Variants in ZYG11B observed in about 807,000 individuals in gnomAD.
The protein encoded by ZYG11B is protein zyg-11 homolog B.
In ZYG11B, 36 loss-of-function variants were observed where a neutral mutation model predicts 82.4. The observed-to-expected ratio is 0.44, with a 90% CI of 0.33 to 0.58. The LOEUF (loss-of-function observed/expected upper bound fraction) is 0.58, where lower values mean the gene tolerates loss of function less well. Ranked by LOEUF, ZYG11B falls within the 20% of genes least tolerant of loss-of-function variation. ZYG11B has a pLI of 0.02. For missense variants in ZYG11B, 552 were observed against 895.6 expected (o/e 0.62, Z 4.90); for synonymous variants, 303 against 312.8 (o/e 0.97, Z 0.33).
intron 1 of ZYG11B, among the ~76,000 whole-genome samples, chr1:52,755,785 G>A (rs556223897): frequency 5.3e-5 from 8 of 151,838 alleles, no homozygotes; most frequent in Admixed American, 1.3e-4. Flanking sequence ...GATTACAGGC[G>A]TGAGCCACCA....
intron 10 of ZYG11B, among the ~76,000 whole-genome samples, chr1:52,802,691 GAA>G (rs1470272468): frequency 6.0e-5 from 9 of 150,180 alleles, no homozygotes; most frequent in Non-Finnish European, 1.2e-4. Context: ...AACAAAAAAA[GAA>G]AGAGAGAGAG....
intron 4 of ZYG11B, among the ~76,000 whole-genome samples, chr1:52,782,978 G>A (rs1371217986): frequency 1.3e-5 from 2 of 149,684 alleles, no homozygotes; most frequent in Admixed American, 1.3e-4. Context: ...CCAGGATGGT[G>A]TGCAGTGGTG....
rs1216250072 is a variant in ZYG11B at position 52,813,877 on chromosome 1, A to G, written c.1911A>G (p.Lys637=). The G allele has an allele frequency of 6.2e-7, 1 of 1,614,142 alleles. No homozygotes were observed. Among genetic ancestry groups the G allele is most frequent in the Admixed American group, 1.7e-5 (1 of 60,006 alleles). Residue 637 remains lysine, a synonymous_variant, in exon 12 of 14, where the codon AAA becomes AAG. Transcript: ENST00000294353. ...TCTTCCAGCATTCAGCTATTTTGAA[A>G]TGGCCAACTCCAGAGTGTGAGATGG... ...LLDDLHSAIL[K]WPTPECEMVA...
intron 1 of ZYG11B, among the ~76,000 whole-genome samples, chr1:52,729,409 CAT>C (rs1395920685): frequency 6.6e-6 from 1 of 152,168 alleles, no homozygotes. Context: ...CTTGTTAAAA[CAT>C]ATACACACAG....
chr1:52,767,940 G>A (rs539336568), intron 2 of ZYG11B, among the ~76,000 whole-genome samples: 3 of 152,164 alleles, frequency 2.0e-5, no homozygotes, highest in Non-Finnish European at 4.4e-5. Context: ...TACTAACATC[G>A]TGGTGGGGGA....
rs187763025 is a variant in ZYG11B at position 52,733,165 on chromosome 1, C to A, written c.30+6482C>A. On this transcript the variant is annotated intron_variant, in intron 1 of 13. Coordinates refer to ENST00000294353, the MANE Select transcript of ZYG11B (RefSeq NM_024646.3). Reference sequence around the variant, plus strand: ...GAGTATCTTGCATTGAATTTCTGTACGTAAAATTATCTTAAGTTACTGAGA... The same window carrying A: ...GAGTATCTTGCATTGAATTTCTGTAAGTAAAATTATCTTAAGTTACTGAGA... Among the ~76,000 whole-genome samples the A allele has an allele frequency of 5.7e-4, 87 of 152,134 alleles. 1 individual carries two copies. The highest frequency in any genetic ancestry group is 1.9e-3 in the African/African-American group (80 of 41,508).
chr1:52,767,109 ATGT>A (rs964564220), intron 2 of ZYG11B, among the ~76,000 whole-genome samples: 42 of 140,788 alleles, frequency 3.0e-4, no homozygotes, highest in South Asian at 8.9e-4. Flanking sequence ...GTTATGTTTT[ATGT>A]TGTTATTTTA....
At chr1:52,808,592 C>G (rs746982235) in intron 10 of ZYG11B, among the ~76,000 whole-genome samples, 1 of 152,156 alleles carries the variant, frequency 6.6e-6, no homozygotes, top group Non-Finnish European at 1.5e-5. Flanking sequence ...TCTCAAACTC[C>G]TGGCCTCAAG....
intron 2 of ZYG11B, among the ~76,000 whole-genome samples, chr1:52,770,701 T>C (rs1299378397): frequency 6.6e-6 from 1 of 152,202 alleles, no homozygotes; most frequent in Admixed American, 6.5e-5. Flanking sequence ...ACTAGGCACA[T>C]GGCTCCAGCT....
chr1:52,800,130 G>T (rs1238581936), intron 8 of ZYG11B, among the ~76,000 whole-genome samples: 1 of 151,784 alleles, frequency 6.6e-6, no homozygotes, highest in Admixed American at 6.6e-5. Flanking sequence ...AAAAAAATTA[G>T]CTGGGCTTGG....
At chr1:52,783,805 T>TATACACACACACAC (rs74185908) in intron 4 of ZYG11B, among the ~76,000 whole-genome samples, 2,581 of 134,970 alleles carry the variant, frequency 0.019, 42 homozygotes, top group Non-Finnish European at 0.031. Context: ...TATATATATA[T>TATACACACACACAC]ACACACACAC....
rs1210960278 is a variant in ZYG11B at position 52,726,492 on chromosome 1, G to GCTGCGGCTGCTA, written c.-157_-146dup. ...GGTTCGGGCTGCGGCTGCGGCTGCG[G>GCTGCGGCTGCTA]CTGCGGCTGCTACTGCTACGCTCCT... is the stretch of plus-strand genomic sequence containing the variant. On this transcript the variant is annotated 5_prime_UTR_variant, in exon 1 of 14. Coordinates refer to ENST00000294353, the MANE Select transcript of ZYG11B (RefSeq NM_024646.3). 41 of 611,754 alleles carry GCTGCGGCTGCTA rather than the reference G, an allele frequency of 6.7e-5. No individual in the cohort carries two copies. The East Asian group carries it at 1.2e-3, about 17-fold the overall frequency. The allele number at this position is 611,754 out of a possible 1,614,324, so 37.9% of individuals were successfully genotyped here.
intron 13 of ZYG11B, 42 bp downstream of exon 13, chr1:52,816,671 T>G: frequency 7.1e-7 from 1 of 1,400,332 alleles, no homozygotes; most frequent in Non-Finnish European, 1.0e-6. Flanking sequence ...TTTCTTTAAG[T>G]GAAATTCTCA....
chr1:52,813,067 A>G (rs1199123826), intron 10 of ZYG11B, among the ~76,000 whole-genome samples: 1 of 152,158 alleles, frequency 6.6e-6, no homozygotes, highest in Non-Finnish European at 1.5e-5. Context: ...ACTACTATCA[A>G]ATACTTTGCT....
rs114805121 is a variant in ZYG11B at position 52,800,225 on chromosome 1, A to G, written c.1486-1594A>G. Among the ~76,000 whole-genome samples the G allele has an allele frequency of 6.9e-3, 1,048 of 151,384 alleles. 22 individuals are homozygous for G. Among genetic ancestry groups the G allele is most frequent in the African/African-American group, 0.024 (1,006 of 41,284 alleles). The stretch of plus-strand genomic sequence containing the variant: ...TGGGAGTTCAAGTCTACAGCGAACT[A>G]TAATTGTGTCACTGCACTCCAGCCT... On this transcript the variant is annotated intron_variant, in intron 8 of 13. Transcript: ENST00000294353.
intron 6 of ZYG11B, among the ~76,000 whole-genome samples, chr1:52,791,278 A>C (rs978273450): frequency 1.3e-5 from 2 of 151,158 alleles, no homozygotes; most frequent in Admixed American, 6.6e-5. Flanking sequence ...CAGTCTTAAA[A>C]TATAATTTTT....
rs33953020 is a variant in ZYG11B, at chr1:52,770,092, A to ATTTT, written c.197-916_197-913dup. ...AACTACTATATATATATATATATAT[A>ATTTT]TTTTTTTTTTTTTTTCAGAGACAGG... is the stretch of plus-strand genomic sequence containing the variant. On this transcript the variant is annotated intron_variant, in intron 2 of 13. Coordinates refer to ENST00000294353, the MANE Select transcript of ZYG11B (RefSeq NM_024646.3). 2.2e-3 allele frequency among the ~76,000 whole-genome samples: 209 copies of ATTTT among 94,430 alleles called. 2 individuals are homozygous for ATTTT. The highest frequency in any genetic ancestry group is 3.2e-3 in the Non-Finnish European group (167 of 52,220). The allele number at this position is 94,430 out of a possible 152,430, so 61.9% of individuals were successfully genotyped here.
At chr1:52,747,890 G>A (rs940941638) in intron 1 of ZYG11B, among the ~76,000 whole-genome samples, 3 of 152,214 alleles carry the variant, frequency 2.0e-5, no homozygotes, top group Admixed American at 1.3e-4. Flanking sequence ...AACTCTGATA[G>A]CCTCAATGTC....
In ZYG11B at chr1:52,787,864, A is replaced by AT. The variant is rs1246369232; in HGVS notation, c.1270-2132dup. On this transcript the variant is annotated intron_variant, in intron 5 of 13. Coordinates refer to ENST00000294353, the MANE Select transcript of ZYG11B (RefSeq NM_024646.3). ...TGCAAATACTGTAAACTATTTTGAAATTTTTTTAGCTATTTTAACTAAGTG... is the reference window on the plus strand; with the variant it reads ...TGCAAATACTGTAAACTATTTTGAAATTTTTTTTAGCTATTTTAACTAAGTG... 3.3e-5 allele frequency among the ~76,000 whole-genome samples: 5 copies of AT among 152,022 alleles called. No homozygotes were observed. In the South Asian group the frequency reaches 6.2e-4, roughly 19 times the overall value.
Sources: allele counts gnomAD v4.1 joint callset (sites outside exome capture counted in the v4.1 genomes callset), GRCh38; gene constraint gnomAD v4.1.1; transcripts MANE v1.5; gene names NCBI Gene and HGNC (gene_info 2026-07-23, HGNC 2026-07-21).